The following CDK19 variants were observed in gnomAD, a reference collection of about 807,000 sequenced individuals.
CDK19 encodes cyclin-dependent kinase 19.
CDK19 carries 20 observed loss-of-function variants against 68.3 expected under a neutral mutation model. That is an observed-to-expected ratio of 0.29 (90% confidence interval 0.21 to 0.43). The LOEUF is 0.43. Among genes scored for constraint, CDK19 ranks in the 20% least tolerant of loss-of-function variants. The pLI is 1.00. For synonymous variants in CDK19, 221 were observed against 222.8 expected (o/e 0.99, Z 0.07); for missense variants, 339 against 623.5 (o/e 0.54, Z 4.86).
chr6:110,678,006 C>A (rs1191281378), intron 2 of CDK19, among the ~76,000 whole-genome samples: 1 of 151,994 alleles, frequency 6.6e-6, no homozygotes, highest in African/African-American at 2.4e-5. Flanking sequence ...GCCACCATGC[C>A]CAGCTGATTT....
chr6:110,699,197 G>A (rs773999237), intron 2 of CDK19, among the ~76,000 whole-genome samples: 4 of 152,100 alleles, frequency 2.6e-5, no homozygotes, highest in Admixed American at 6.6e-5. Flanking sequence ...GGCCAAGGCA[G>A]GTGGATCACC....
chr6:110,673,159 G>T (rs866773228), intron 2 of CDK19, among the ~76,000 whole-genome samples: 30 of 152,158 alleles, frequency 2.0e-4, no homozygotes, highest in African/African-American at 7.2e-4. Flanking sequence ...GAATTTGACT[G>T]TTCTTGGTAT....
intron 1 of CDK19, among the ~76,000 whole-genome samples, chr6:110,809,725 A>G (rs1782938219): frequency 6.6e-6 from 1 of 152,218 alleles, no homozygotes. Flanking sequence ...TGCTTTTAAA[A>G]TCAGTGGAGC....
chr6:110,719,986 ACCCC>A (rs1186186225), intron 2 of CDK19, among the ~76,000 whole-genome samples: 3 of 41,840 alleles, frequency 7.2e-5, no homozygotes, highest in South Asian at 8.3e-4. Context: ...CCCCCCCCCC[ACCCC>A]CCCCCTGCTT....
intron 1 of CDK19, among the ~76,000 whole-genome samples, chr6:110,776,429 CA>C (rs56306619): frequency 0.19 from 24,504 of 126,732 alleles, 2,103 homozygotes; most frequent in South Asian, 0.33. Context: ...AACTCTGTCT[CA>C]AAAAAAAAAA....
intron 1 of CDK19, among the ~76,000 whole-genome samples, chr6:110,758,545 C>T (rs945710071): frequency 3.3e-5 from 5 of 152,144 alleles, no homozygotes; most frequent in Admixed American, 6.6e-5. Flanking sequence ...ACTTTGCAAA[C>T]AGTAGGAACT....
intron 2 of CDK19, among the ~76,000 whole-genome samples, chr6:110,694,497 C>G (rs1392467879): frequency 6.6e-6 from 1 of 152,028 alleles, no homozygotes; most frequent in Non-Finnish European, 1.5e-5. Flanking sequence ...AACACTGGAG[C>G]TCCCAAATTT....
At chr6:110,652,836 A>G (rs961159839) in intron 4 of CDK19, among the ~76,000 whole-genome samples, 1 of 152,212 alleles carries the variant, frequency 6.6e-6, no homozygotes, top group Non-Finnish European at 1.5e-5. Flanking sequence ...CTTGAAGCCT[A>G]TGGAAGCTCT....
At chr6:110,737,707 C>A (rs1777347263) in intron 2 of CDK19, among the ~76,000 whole-genome samples, 1 of 152,278 alleles carries the variant, frequency 6.6e-6, no homozygotes, top group South Asian at 2.1e-4. Flanking sequence ...ACTCCAATCC[C>A]AAACTCTTAC....
At chr6:110,632,464 C>A (rs1399320338) in intron 5 of CDK19, among the ~76,000 whole-genome samples, 6 of 152,230 alleles carry the variant, frequency 3.9e-5, no homozygotes, top group African/African-American at 1.4e-4. Flanking sequence ...GGTGGGGTGG[C>A]TCACACCTAT....
chr6:110,685,378 C>G (rs988663510), intron 2 of CDK19, among the ~76,000 whole-genome samples: 1 of 152,174 alleles, frequency 6.6e-6, no homozygotes, highest in South Asian at 2.1e-4. Flanking sequence ...TTCTAAGAGG[C>G]CTTCCCTGAA....
intron 8 of CDK19, 92 bp from the exon 9 acceptor site, chr6:110,623,454 G>GT (rs1778841445): frequency 8.5e-6 from 13 of 1,527,892 alleles, no homozygotes; most frequent in African/African-American, 1.4e-5. Flanking sequence ...TTCCTATAAG[G>GT]TATGTGTTTA....
intron 1 of CDK19, among the ~76,000 whole-genome samples, chr6:110,795,963 C>A (rs1781909643): frequency 1.3e-5 from 2 of 152,162 alleles, no homozygotes; most frequent in African/African-American, 4.8e-5. Context: ...AAAGGAAATA[C>A]CTAATGATTC....
At chr6:110,638,354 G>A (rs919051828) in intron 5 of CDK19, among the ~76,000 whole-genome samples, 3 of 152,184 alleles carry the variant, frequency 2.0e-5, no homozygotes, top group African/African-American at 7.2e-5. Context: ...AGGTGGCTGT[G>A]CAGGACAGTG....
intron 1 of CDK19, chr6:110,814,499 G>A (rs1404865236): frequency 4.7e-6 from 2 of 428,964 alleles, no homozygotes; most frequent in Non-Finnish European, 9.3e-6. Context: ...TGCCCAGCGG[G>A]TCAGAGCCGT....
At chr6:110,778,410 G>C (rs1203523837) in intron 1 of CDK19, among the ~76,000 whole-genome samples, 1 of 152,040 alleles carries the variant, frequency 6.6e-6, no homozygotes, top group Non-Finnish European at 1.5e-5. Flanking sequence ...TTAATTCAAA[G>C]GTTAAAATAA....
At chr6:110,749,943 TG>T (rs768635591) in intron 1 of CDK19, among the ~76,000 whole-genome samples, 13 of 143,744 alleles carry the variant, frequency 9.0e-5, no homozygotes, top group Non-Finnish European at 1.2e-4. Flanking sequence ...AGATAATTTT[TG>T]TATTTTTAGT....
At chr6:110,807,349 T>C (rs1021271583) in intron 1 of CDK19, among the ~76,000 whole-genome samples, 4 of 152,242 alleles carry the variant, frequency 2.6e-5, no homozygotes, top group Middle Eastern at 3.4e-3. Flanking sequence ...TTAACACACA[T>C]GCACATACCC....
intron 4 of CDK19, among the ~76,000 whole-genome samples, chr6:110,639,093 G>C (rs1299318520): frequency 6.6e-6 from 1 of 152,134 alleles, no homozygotes; most frequent in Non-Finnish European, 1.5e-5. Context: ...TGAATAAGTT[G>C]AATGGAATAT....
Sources: allele counts gnomAD v4.1 joint callset (sites outside exome capture counted in the v4.1 genomes callset), GRCh38; gene constraint gnomAD v4.1.1; transcripts MANE v1.5; gene names NCBI Gene and HGNC (gene_info 2026-07-23, HGNC 2026-07-21).